Variants in HDAC8 observed in about 807,000 individuals in gnomAD.
The protein encoded by HDAC8 is histone deacetylase 8, also known as histone deacetylase-like 1.
A neutral mutation model predicts 32.2 loss-of-function variants in HDAC8; 1 was observed. The observed-to-expected ratio is 0.03, with a 90% confidence interval of 0.01 to 0.15. The LOEUF (loss-of-function observed/expected upper bound fraction) is 0.15. HDAC8 is among the 10% of genes least tolerant of loss of function. The pLI, the probability that HDAC8 is intolerant of heterozygous loss-of-function variation, is 1.00. For missense variants in HDAC8, 117 were observed against 300.0 expected (o/e 0.39, Z 4.51); for synonymous variants, 108 against 113.9 (o/e 0.95, Z 0.33).
intron 4 of HDAC8, among the ~76,000 whole-genome samples, chrX:72,498,323 G>T (rs2049097111): frequency 9.0e-6 from 1 of 111,368 alleles, no homozygotes; most frequent in African/African-American, 3.3e-5. Flanking sequence ...AATTGGTATA[G>T]GAAAATGTTA....
chrX:72,515,531 G>GAAT (rs782701977), intron 4 of HDAC8, among the ~76,000 whole-genome samples: 118 of 87,733 alleles, frequency 1.3e-3, no homozygotes, highest in African/African-American at 4.7e-3. Context: ...TACACTCTGG[G>GAAT]AATAATGATG....
At chrX:72,525,688 C>T (rs1371470152) in intron 4 of HDAC8, among the ~76,000 whole-genome samples, 1 of 106,645 alleles carries the variant, frequency 9.4e-6, no homozygotes, top group Non-Finnish European at 1.9e-5. Context: ...GTGGCGGGCG[C>T]CCGTAGTCCC....
chrX:72,433,979 T>C (rs1309456082), intron 9 of HDAC8, among the ~76,000 whole-genome samples: 1 of 112,755 alleles, frequency 8.9e-6, no homozygotes, highest in East Asian at 2.8e-4. Flanking sequence ...ATAGGATTTT[T>C]GTGAGAATTG....
intron 4 of HDAC8, among the ~76,000 whole-genome samples, chrX:72,504,601 G>A (rs1556017973): frequency 9.0e-6 from 1 of 111,292 alleles, no homozygotes; most frequent in Non-Finnish European, 1.9e-5. Context: ...TTGACGAATG[G>A]GTAACATTTG....
intron 8 of HDAC8, chrX:72,462,387 C>T (rs1420615194): frequency 9.7e-6 from 2 of 205,239 alleles, no homozygotes; most frequent in East Asian, 1.7e-4. Context: ...TCCTCAGTTC[C>T]ATCAAGAGCC....
chrX:72,408,066 C>T (rs1200349118), intron 9 of HDAC8, among the ~76,000 whole-genome samples: 2 of 112,076 alleles, frequency 1.8e-5, no homozygotes, highest in East Asian at 2.8e-4. Context: ...GAGTGTTTAT[C>T]ATGCTCCAAG....
At chrX:72,514,336 G>T (rs2049711258) in intron 4 of HDAC8, among the ~76,000 whole-genome samples, 1 of 111,925 alleles carries the variant, frequency 8.9e-6, no homozygotes, top group African/African-American at 3.2e-5. Flanking sequence ...ATAGTGACAG[G>T]CACATGTATA....
intron 9 of HDAC8, among the ~76,000 whole-genome samples, chrX:72,429,081 G>C (rs1555976645): frequency 9.6e-6 from 1 of 104,106 alleles, no homozygotes; most frequent in Non-Finnish European, 1.9e-5. Flanking sequence ...AAGAGGCAGA[G>C]TCTCCTCACC....
rs1422270335 is a variant in HDAC8 at position 72,564,134 on chromosome X, TG to T, written c.437+3754del. Among the ~76,000 whole-genome samples, 3 of 112,090 alleles carry T rather than the reference TG, an allele frequency of 2.7e-5. No individual in the cohort carries two copies. The East Asian group carries it at 8.4e-4, about 31-fold the overall frequency. On this transcript the variant is annotated intron_variant, in intron 4 of 10. Transcript: ENST00000373573. Reference sequence around the variant, plus strand: ...GAGATCACACCATTGCACTCCAGCCTGGATGACAGAGCCGAGATTCTGTCTC... The same window carrying T: ...GAGATCACACCATTGCACTCCAGCCTGATGACAGAGCCGAGATTCTGTCTC...
intron 7 of HDAC8, chrX:72,467,766 C>T: frequency 2.4e-6 from 1 of 414,665 alleles, no homozygotes; most frequent in Non-Finnish European, 4.0e-6. Flanking sequence ...AGGGCTTTTG[C>T]AACCATCCAG....
chrX:72,560,367 G>C (rs35741864), intron 4 of HDAC8, among the ~76,000 whole-genome samples: 5 of 108,212 alleles, frequency 4.6e-5, no homozygotes, highest in Admixed American at 9.9e-5. Flanking sequence ...AAGGCAGCAT[G>C]CTCATTAAGA....
At chrX:72,518,068 T>C (rs1384920837) in intron 4 of HDAC8, among the ~76,000 whole-genome samples, 1 of 112,180 alleles carries the variant, frequency 8.9e-6, no homozygotes, top group Admixed American at 9.4e-5. Flanking sequence ...AAGGAACTAA[T>C]GTAAAATAAT....
At chrX:72,409,219 C>T (rs2046127353) in intron 9 of HDAC8, among the ~76,000 whole-genome samples, 1 of 112,439 alleles carries the variant, frequency 8.9e-6, no homozygotes, top group East Asian at 2.8e-4. Context: ...TCCATCATGT[C>T]TAATTAGACT....
At chrX:72,330,674 A>G (rs1351792723) in intron 10 of HDAC8, among the ~76,000 whole-genome samples, 1 of 110,813 alleles carries the variant, frequency 9.0e-6, no homozygotes, top group Non-Finnish European at 1.9e-5. Context: ...GGGCTCTAGG[A>G]ATGAAAAGTT....
At chrX:72,475,513 C>T (rs1021101300) in intron 7 of HDAC8, among the ~76,000 whole-genome samples, 4 of 111,480 alleles carry the variant, frequency 3.6e-5, no homozygotes, top group Non-Finnish European at 5.6e-5. Context: ...CATTCTGCAA[C>T]AACTCAACCT....
At chrX:72,525,424 C>T (rs2050110449) in intron 4 of HDAC8, among the ~76,000 whole-genome samples, 2 of 110,975 alleles carry the variant, frequency 1.8e-5, no homozygotes, top group Admixed American at 1.9e-4. Context: ...ATCATTTGTA[C>T]CCAGGATTAG....
chrX:72,471,438 C>T (rs140964714), intron 7 of HDAC8, among the ~76,000 whole-genome samples: 1,735 of 112,129 alleles, frequency 0.015, 17 homozygotes, highest in Non-Finnish European at 0.024. Flanking sequence ...GTGGGCCACA[C>T]CATTTTACAT....
At chrX:72,516,357 A>G (rs1380745972) in intron 4 of HDAC8, among the ~76,000 whole-genome samples, 1 of 110,663 alleles carries the variant, frequency 9.0e-6, no homozygotes, top group African/African-American at 3.3e-5. Context: ...GTAGTGTCAC[A>G]GTCACCGGGA....
intron 7 of HDAC8, among the ~76,000 whole-genome samples, chrX:72,483,120 C>G (rs112934204): frequency 0.014 from 1,603 of 111,976 alleles, 22 homozygotes; most frequent in African/African-American, 0.038. Context: ...GAATGCATGT[C>G]AAATGTTAAG....
Sources: gnomAD v4.1 joint callset for allele counts (sites outside exome capture counted in the v4.1 genomes callset) on GRCh38, gnomAD v4.1.1 for gene constraint, MANE v1.5 for transcripts, NCBI Gene and HGNC (gene_info 2026-07-23, HGNC 2026-07-21) for gene names.